Variants in MPHOSPH9 observed in about 807,000 individuals in gnomAD.
The protein encoded by MPHOSPH9 is M-phase phosphoprotein 9.
Under a neutral mutation model 145.5 loss-of-function variants are expected in MPHOSPH9, and 88 were observed. That is an observed-to-expected ratio of 0.60 (90% CI 0.51 to 0.72). The LOEUF is 0.72. MPHOSPH9 is among the 30% of genes least tolerant of loss of function. MPHOSPH9 has a pLI of 0.00. For synonymous variants in MPHOSPH9, 435 were observed against 486.2 expected, an observed-to-expected ratio of 0.89 and a Z score of 1.39; for missense variants, 1,238 against 1,386.6, an observed-to-expected ratio of 0.89 and a Z score of 1.70.
At chr12:123,166,871 C>G in intron 16 of MPHOSPH9, 82 bp from the exon 17 acceptor site, 1 of 1,416,824 alleles carries the variant, frequency 7.1e-7, no homozygotes, top group Non-Finnish European at 9.6e-7. Flanking sequence ...AATCTGCTCT[C>G]AAACAGTATT....
Position 123,221,614 on chromosome 12 carries a change from G to A in MPHOSPH9, c.630C>T (p.Tyr210=). The A allele has an allele frequency of 6.2e-7, 1 of 1,614,142 alleles. No homozygotes were observed. Among genetic ancestry groups the A allele is most frequent in the Non-Finnish European group, 8.5e-7 (1 of 1,180,012 alleles). ...GTFCISELNL[Y]KSKDPKEFME... is the part of the protein sequence containing the mutation. Reference sequence around the variant, plus strand: ...TGAACTCCTTAGGGTCTTTAGATTTGTACAGATTTAATTCTGAGATACAAA... The same window carrying A: ...TGAACTCCTTAGGGTCTTTAGATTTATACAGATTTAATTCTGAGATACAAA... The change falls in exon 5 of 24, where the codon TAC becomes TAT. Residue 210 remains tyrosine (Y), a synonymous_variant. Transcript: ENST00000606320.
chr12:123,198,019 G>A (rs528038539), intron 12 of MPHOSPH9, among the ~76,000 whole-genome samples: 1 of 151,374 alleles, frequency 6.6e-6, no homozygotes, highest in Admixed American at 6.6e-5. Flanking sequence ...GGGAGGCGGA[G>A]CTTGCAGTGA....
intron 19 of MPHOSPH9, 189 bp downstream of exon 19, chr12:123,163,761 T>G (rs1040155372): frequency 2.1e-5 from 11 of 514,956 alleles, no homozygotes; most frequent in Non-Finnish European, 3.0e-5. Context: ...TCATTTACAT[T>G]TGTAGTATCT....
chr12:123,164,438 G>A (rs1431166215), intron 18 of MPHOSPH9, among the ~76,000 whole-genome samples: 1 of 152,128 alleles, frequency 6.6e-6, no homozygotes, highest in Non-Finnish European at 1.5e-5. Context: ...AGATGTAACC[G>A]CAAAGACGCT....
At chr12:123,243,590 A>C (rs1008434483) in intron 1 of MPHOSPH9, among the ~76,000 whole-genome samples, 2 of 152,060 alleles carry the variant, frequency 1.3e-5, no homozygotes, top group African/African-American at 4.8e-5. Flanking sequence ...CTGTAGTCCC[A>C]GCTACTCGGG....
In MPHOSPH9 at chr12:123,203,257, G is replaced by A; in HGVS notation, c.1313C>T (p.Pro438Leu). The change falls in exon 9 of 24, where the codon CCA (proline) becomes CTA (leucine). Residue 438 changes from proline (P) to leucine (L), a missense_variant. This residue lies in a region of MPHOSPH9 where 837 missense variants were observed against 897.5 expected (regional missense o/e 0.93). Coordinates refer to ENST00000606320, the MANE Select transcript of MPHOSPH9 (RefSeq NM_022782.4). The part of the protein sequence containing the change: ...NLTSASNPNH[P>L]PEVLTLDPTL... ...GAATGTGGACAACTTTACCTCTGGT[G>A]GATGATTTGGGTTGGAAGCAGAAGT... 6.2e-7 allele frequency: 1 copy of A among 1,613,242 alleles called. No individual in the cohort carries two copies. Among genetic ancestry groups the A allele is most frequent in the Non-Finnish European group, 8.5e-7 (1 of 1,179,810 alleles).
At chr12:123,199,778 G>A (rs1178861473) in intron 11 of MPHOSPH9, among the ~76,000 whole-genome samples, 2 of 144,710 alleles carry the variant, frequency 1.4e-5, no homozygotes, top group Non-Finnish European at 1.5e-5. Flanking sequence ...AGGCGACAGA[G>A]ACTCCATCTC....
chr12:123,197,857 GA>G (rs902923566), intron 12 of MPHOSPH9, among the ~76,000 whole-genome samples: 46 of 151,470 alleles, frequency 3.0e-4, no homozygotes, highest in African/African-American at 1.1e-3. Flanking sequence ...GCCGAGGCAG[GA>G]GGATCACAAG....
intron 13 of MPHOSPH9, among the ~76,000 whole-genome samples, chr12:123,190,191 C>T (rs1312197872): frequency 1.1e-4 from 16 of 148,400 alleles, no homozygotes; most frequent in African/African-American, 3.2e-4. Context: ...CTCGCTCTGT[C>T]GCCCAGGCTG....
At chr12:123,153,854 T>A (rs1415571287), downstream of MPHOSPH9, among the ~76,000 whole-genome samples, 1 of 151,398 alleles carries the variant, frequency 6.6e-6, no homozygotes, top group Non-Finnish European at 1.5e-5. Context: ...GAGCACTTAC[T>A]AAGCACCAGG....
intron 23 of MPHOSPH9, 40 bp from the exon 24 acceptor site, chr12:123,156,948 T>G: frequency 2.1e-5 from 30 of 1,438,014 alleles, no homozygotes; most frequent in Non-Finnish European, 2.8e-5. Context: ...TAGAATTCTA[T>G]ACCAAGTTCT....
At chr12:123,163,518 C>T (rs1348356785) in intron 19 of MPHOSPH9, 1 of 196,886 alleles carries the variant, frequency 5.1e-6, no homozygotes, top group Admixed American at 5.7e-5. Flanking sequence ...ACTTTAAAAC[C>T]AACCTGTTAT....
At chr12:123,192,742 G>A (rs2045744792) in intron 13 of MPHOSPH9, among the ~76,000 whole-genome samples, 1 of 149,360 alleles carries the variant, frequency 6.7e-6, no homozygotes, top group Non-Finnish European at 1.5e-5. Context: ...TGTAATAAAT[G>A]ATGTATAATT....
chr12:123,207,195 T>G (rs74240770), intron 8 of MPHOSPH9, among the ~76,000 whole-genome samples: 7,834 of 151,448 alleles, frequency 0.052, 344 homozygotes, highest in East Asian at 0.26. Flanking sequence ...TTATAAATTT[T>G]TCTTGGTAGA....
At chr12:123,239,435 A>G (rs1555235623) in intron 1 of MPHOSPH9, among the ~76,000 whole-genome samples, 1 of 151,608 alleles carries the variant, frequency 6.6e-6, no homozygotes, top group East Asian at 1.9e-4. Flanking sequence ...ACAGAGTTTC[A>G]CTCTGTTGCC....
chr12:123,198,364 A>C, intron 11 of MPHOSPH9, 30 bp from the exon 12 acceptor site: 1 of 1,535,634 alleles, frequency 6.5e-7, no homozygotes, highest in Non-Finnish European at 8.9e-7. Context: ...CTTCAATTAG[A>C]AGATAAAATT....
intron 16 of MPHOSPH9, among the ~76,000 whole-genome samples, chr12:123,175,821 TAAA>T (rs75867409): frequency 3.3e-4 from 43 of 131,732 alleles, no homozygotes; most frequent in Admixed American, 5.3e-4. Context: ...ATCTTTTCTT[TAAA>T]AAAAAAAAAA....
intron 8 of MPHOSPH9, among the ~76,000 whole-genome samples, chr12:123,205,717 G>A (rs921552806): frequency 8.5e-5 from 13 of 152,122 alleles, no homozygotes; most frequent in African/African-American, 2.2e-4. Context: ...TCTACTCAAA[G>A]CTCATGGGAA....
chr12:123,194,899 G>A (rs1184689353), intron 12 of MPHOSPH9, among the ~76,000 whole-genome samples: 1 of 151,936 alleles, frequency 6.6e-6, no homozygotes, highest in Non-Finnish European at 1.5e-5. Flanking sequence ...TGGGATTACA[G>A]GCATGAGCTA....
Sources: allele counts gnomAD v4.1 joint callset (sites outside exome capture counted in the v4.1 genomes callset), GRCh38; gene constraint gnomAD v4.1.1; regional missense constraint gnomAD v4.1.1; transcripts MANE v1.5; gene names NCBI Gene and HGNC (gene_info 2026-07-23, HGNC 2026-07-21).